Variants in TNR observed in about 807,000 individuals in gnomAD.
TNR encodes the protein tenascin-R.
In TNR, 45 loss-of-function variants were observed where a neutral mutation model predicts 150.4. The observed-to-expected ratio is 0.30, with a 90% CI of 0.24 to 0.38. TNR has a LOEUF of 0.38. Ranked by LOEUF, TNR falls within the 10% of genes least tolerant of loss-of-function variation. TNR has a pLI of 1.00. For synonymous variants in TNR, 687 were observed against 678.4 expected, an observed-to-expected ratio of 1.01 and a Z score of -0.20; for missense variants, 1,544 against 1,759.1, an observed-to-expected ratio of 0.88 and a Z score of 2.19.
rs541855985 is a variant in TNR, at chr1:175,578,079, C to T, written c.-164-49710G>A. Among the ~76,000 whole-genome samples, 8 of 152,226 alleles carry T rather than the reference C, an allele frequency of 5.3e-5. No homozygotes were observed. In the South Asian group the frequency reaches 1.0e-3, roughly 20 times the overall value. On this transcript the variant is annotated intron_variant, in intron 1 of 22. Coordinates refer to ENST00000367674, the MANE Select transcript of TNR (RefSeq NM_003285.3). Reference sequence around the variant, plus strand: ...GTGCTGGATGCTCAATATATGTTAGCGCTTGTTATTAGTAGTGAATAGATC... The same window carrying T: ...GTGCTGGATGCTCAATATATGTTAGTGCTTGTTATTAGTAGTGAATAGATC...
At chr1:175,360,322 G>C (rs1487314143) in intron 14 of TNR, among the ~76,000 whole-genome samples, 2 of 152,174 alleles carry the variant, frequency 1.3e-5, no homozygotes, top group African/African-American at 4.8e-5. Flanking sequence ...CTGATTATTG[G>C]ATGATTGCTT....
chr1:175,628,147 C>A (rs1664211850), intron 1 of TNR, among the ~76,000 whole-genome samples: 1 of 152,152 alleles, frequency 6.6e-6, no homozygotes, highest in South Asian at 2.1e-4. Flanking sequence ...CCAGGTGATT[C>A]TGATGCCATT....
chr1:175,463,260 G>A (rs914910037), intron 2 of TNR, among the ~76,000 whole-genome samples: 12 of 152,252 alleles, frequency 7.9e-5, no homozygotes, highest in African/African-American at 2.6e-4. Flanking sequence ...TCCTGATTCC[G>A]TTTTTCCAGA....
chr1:175,550,515 C>G (rs1210084861), intron 1 of TNR, among the ~76,000 whole-genome samples: 2 of 151,922 alleles, frequency 1.3e-5, no homozygotes, highest in Non-Finnish European at 2.9e-5. Context: ...CATCCTTTTC[C>G]CCTTTCCCTC....
rs1292841187 is a variant in TNR at position 175,406,609 on chromosome 1, T to C, written c.106A>G (p.Thr36Ala). 6.2e-7 allele frequency: 1 copy of C among 1,614,078 alleles called. No individual in the cohort carries two copies. The highest frequency in any genetic ancestry group is 1.3e-5 in the African/African-American group (1 of 74,910). The part of the protein sequence containing the change: ...IKPSECQLEV[T>A]TERVQRQSVE... Reference sequence around the variant, plus strand: ...GACTGTCTCTGGACCCTTTCTGTGGTGACCTCCAGCTGACACTCTGAAGGC... The same window carrying C: ...GACTGTCTCTGGACCCTTTCTGTGGCGACCTCCAGCTGACACTCTGAAGGC... Residue 36 changes from threonine to alanine, a missense_variant, in exon 3 of 23, where the codon ACC (threonine) becomes GCC (alanine). Coordinates refer to ENST00000367674, the MANE Select transcript of TNR (RefSeq NM_003285.3).
intron 9 of TNR, among the ~76,000 whole-genome samples, chr1:175,372,163 A>G (rs1289871618): frequency 6.6e-6 from 1 of 152,148 alleles, no homozygotes; most frequent in Non-Finnish European, 1.5e-5. Context: ...GCATGATTGT[A>G]AGCTTTCCGA....
At chr1:175,560,743 CT>C (rs1489464449) in intron 1 of TNR, among the ~76,000 whole-genome samples, 2 of 150,304 alleles carry the variant, frequency 1.3e-5, no homozygotes, top group Admixed American at 1.3e-4. Context: ...CATCTCTAGT[CT>C]TTTGGTATCT....
chr1:175,487,038 G>A (rs1658046812), intron 2 of TNR, among the ~76,000 whole-genome samples: 1 of 152,046 alleles, frequency 6.6e-6, no homozygotes, highest in South Asian at 2.1e-4. Flanking sequence ...TTGTCAGATG[G>A]GTAGATTGCG....
intron 1 of TNR, among the ~76,000 whole-genome samples, chr1:175,565,575 A>C (rs1661608935): frequency 6.6e-6 from 1 of 152,180 alleles, no homozygotes; most frequent in Admixed American, 6.5e-5. Context: ...AAATCGGAAC[A>C]CTTATACATT....
chr1:175,507,327 C>T (rs1323983851), intron 2 of TNR, among the ~76,000 whole-genome samples: 1 of 152,124 alleles, frequency 6.6e-6, no homozygotes, highest in Non-Finnish European at 1.5e-5. Flanking sequence ...CACTTGCAGG[C>T]TCTTTTGGGT....
At chr1:175,478,576 C>A (rs1019027037) in intron 2 of TNR, among the ~76,000 whole-genome samples, 3 of 151,966 alleles carry the variant, frequency 2.0e-5, no homozygotes, top group Non-Finnish European at 4.4e-5. Context: ...CTATCCAGCC[C>A]AGCCTCCTCT....
intron 2 of TNR, among the ~76,000 whole-genome samples, chr1:175,423,748 G>C (rs944553570): frequency 2.6e-5 from 4 of 152,186 alleles, no homozygotes; most frequent in African/African-American, 4.8e-5. Context: ...AGCAGGGCTG[G>C]AGCATGGGGC....
chr1:175,491,241 T>C (rs1658234472), intron 2 of TNR, among the ~76,000 whole-genome samples: 1 of 152,002 alleles, frequency 6.6e-6, no homozygotes, highest in African/African-American at 2.4e-5. Flanking sequence ...GGGAGGGAGA[T>C]CATCAGGAAG....
At chr1:175,379,829 GC>G in intron 8 of TNR, 92 bp from the exon 9 acceptor site, 1 of 1,399,476 alleles carries the variant, frequency 7.1e-7, no homozygotes, top group Non-Finnish European at 9.8e-7. Flanking sequence ...GGTGGTGACA[GC>G]CCACACCCCC....
chr1:175,694,923 C>G (rs1198616845), intron 1 of TNR, among the ~76,000 whole-genome samples: 1 of 152,232 alleles, frequency 6.6e-6, no homozygotes, highest in Non-Finnish European at 1.5e-5. Flanking sequence ...GCCACTCAGT[C>G]TGTAGAACTT....
chr1:175,671,928 T>TGA (rs1308370951), intron 1 of TNR, among the ~76,000 whole-genome samples: 1 of 151,610 alleles, frequency 6.6e-6, no homozygotes, highest in African/African-American at 2.4e-5. Flanking sequence ...TGTGTGTGTG[T>TGA]GTGTGTGTGT....
intron 2 of TNR, among the ~76,000 whole-genome samples, chr1:175,431,108 G>A (rs1050750490): frequency 2.0e-5 from 3 of 152,066 alleles, no homozygotes; most frequent in South Asian, 2.1e-4. Context: ...AGCAGCCTGT[G>A]TTTTGCATAA....
At chr1:175,734,243 A>C (rs6698561) in intron 1 of TNR, among the ~76,000 whole-genome samples, 44,164 of 152,154 alleles carry the variant, frequency 0.29, 6,577 homozygotes, top group African/African-American at 0.36. Flanking sequence ...GAAATTCCCA[A>C]AAAATGAGTT....
chr1:175,340,145 C>G (rs9283389), intron 18 of TNR, among the ~76,000 whole-genome samples: 35 of 151,852 alleles, frequency 2.3e-4, no homozygotes, highest in Admixed American at 9.8e-4. Context: ...ATGGGATAAA[C>G]GTCCCAGATT....
Sources: allele counts gnomAD v4.1 joint callset (sites outside exome capture counted in the v4.1 genomes callset), GRCh38; gene constraint gnomAD v4.1.1; transcripts MANE v1.5; gene names NCBI Gene and HGNC (gene_info 2026-07-23, HGNC 2026-07-21).